WWOX: variants seen among roughly 807,000 people sequenced by gnomAD.
The protein encoded by WWOX is WW domain-containing oxidoreductase.
Under a neutral mutation model 46.2 loss-of-function variants are expected in WWOX, and 69 were observed. The ratio of observed to expected loss-of-function variants is 1.49; its 90% CI spans 1.23 to 1.82. The LOEUF (loss-of-function observed/expected upper bound fraction) is 1.82, where lower values mean the gene tolerates loss of function less well. WWOX is among the 40% of genes most tolerant of loss of function. WWOX has a pLI of 0.00. For missense variants in WWOX, 919 were observed against 542.6 expected (o/e 1.69, Z -6.89); for synonymous variants, 359 against 202.6 (o/e 1.77, Z -6.56).
chr16:78,405,888 G>C (rs528238865), intron 6 of WWOX, among the ~76,000 whole-genome samples: 123 of 152,200 alleles, frequency 8.1e-4, no homozygotes, highest in African/African-American at 2.9e-3. Context: ...GTGACGAAGT[G>C]AGTTTTCCCT....
rs533216805 is a variant in WWOX at position 79,011,459 on chromosome 16, T to TTTTTTTTA, written c.1057-200146_1057-200145insTTTTATTT. Among the ~76,000 whole-genome samples the TTTTTTTTA allele has an allele frequency of 5.6e-3, 740 of 131,994 alleles. 3 individuals carry two copies. The highest frequency in any genetic ancestry group is 0.011 in the Middle Eastern group (3 of 274). 86.6% of individuals were successfully genotyped at this position (131,994 alleles called of 152,430 possible). On this transcript the variant is annotated intron_variant, in intron 8 of 8. Transcript: ENST00000566780. ...ATAGTCTTCCTTTTTTTATTTTTTATTTTATTTATTTATTTATTTATTTAT... is the reference window on the plus strand; with the variant it reads ...ATAGTCTTCCTTTTTTTATTTTTTATTTTTTTTATTTATTTATTTATTTATTTATTTAT...
chr16:78,546,501 G>T (rs563287090), intron 8 of WWOX, among the ~76,000 whole-genome samples: 1 of 152,172 alleles, frequency 6.6e-6, no homozygotes, highest in Non-Finnish European at 1.5e-5. Flanking sequence ...TTGTGGGATT[G>T]CAATTACCTT....
At chr16:78,300,118 A>G (rs1232711740) in intron 5 of WWOX, among the ~76,000 whole-genome samples, 1 of 152,204 alleles carries the variant, frequency 6.6e-6, no homozygotes, top group African/African-American at 2.4e-5. Context: ...ATTTTTTTCC[A>G]ACAGAATCAT....
chr16:79,144,761 C>T (rs2050153582), intron 8 of WWOX, among the ~76,000 whole-genome samples: 1 of 152,124 alleles, frequency 6.6e-6, no homozygotes, highest in Non-Finnish European at 1.5e-5. Flanking sequence ...TTCAGTTATA[C>T]ATTGTCAACT....
At chr16:78,414,645 T>C (rs79673675) in intron 6 of WWOX, among the ~76,000 whole-genome samples, 8,660 of 152,326 alleles carry the variant, frequency 0.057, 788 homozygotes, top group African/African-American at 0.2. Context: ...AGTGATGTTA[T>C]CTGCATGAAT....
At chr16:78,399,697 T>C (rs2082367776) in intron 6 of WWOX, among the ~76,000 whole-genome samples, 1 of 152,244 alleles carries the variant, frequency 6.6e-6, no homozygotes, top group Non-Finnish European at 1.5e-5. Flanking sequence ...TTCTGTGGTT[T>C]ACAATTATAT....
chr16:78,477,361 C>T (rs2084375809), intron 8 of WWOX, among the ~76,000 whole-genome samples: 1 of 151,982 alleles, frequency 6.6e-6, no homozygotes, highest in Non-Finnish European at 1.5e-5. Flanking sequence ...TTTCCAGAGC[C>T]TGTGGTTCTA....
At chr16:78,731,874 G>T (rs370358258) in intron 8 of WWOX, among the ~76,000 whole-genome samples, 1 of 142,394 alleles carries the variant, frequency 7.0e-6, no homozygotes, top group South Asian at 2.2e-4. Flanking sequence ...GAGAGACAGG[G>T]TCTTGCTTTA....
At chr16:78,402,088 A>G (rs1287788309) in intron 6 of WWOX, among the ~76,000 whole-genome samples, 1 of 152,166 alleles carries the variant, frequency 6.6e-6, no homozygotes, top group Admixed American at 6.6e-5. Context: ...TTGCAGAACA[A>G]TTTCATCACT....
chr16:78,706,058 G>GTTTTT (rs3051058), intron 8 of WWOX, among the ~76,000 whole-genome samples: 2,331 of 106,376 alleles, frequency 0.022, 79 homozygotes, highest in South Asian at 0.044. Context: ...GTTATGGCAG[G>GTTTTT]TTTTTTTTTT....
chr16:78,808,757 C>A (rs757372906), intron 8 of WWOX, among the ~76,000 whole-genome samples: 1 of 152,088 alleles, frequency 6.6e-6, no homozygotes, highest in Admixed American at 6.6e-5. Flanking sequence ...AATTGAGATG[C>A]GTAGGTTCTA....
intron 8 of WWOX, among the ~76,000 whole-genome samples, chr16:78,493,558 T>A (rs569098806): frequency 6.6e-6 from 1 of 152,344 alleles, no homozygotes; most frequent in South Asian, 2.1e-4. Context: ...CTTTGGGGTG[T>A]TTAAGGAGAA....
chr16:78,941,778 CATA>C (rs1567664456), intron 8 of WWOX, among the ~76,000 whole-genome samples: 1 of 152,144 alleles, frequency 6.6e-6, no homozygotes, highest in East Asian at 1.9e-4. Flanking sequence ...AAAAAGGTAT[CATA>C]ATCAAATAAA....
intron 1 of WWOX, 97 bp downstream of exon 1, chr16:78,099,982 G>A: frequency 6.6e-7 from 1 of 1,518,618 alleles, no homozygotes; most frequent in South Asian, 1.3e-5. Flanking sequence ...AGCGCAGCGC[G>A]TGCGGTGCAA....
intron 8 of WWOX, among the ~76,000 whole-genome samples, chr16:78,576,306 T>G (rs1177848588): frequency 2.0e-5 from 3 of 152,216 alleles, no homozygotes; most frequent in Non-Finnish European, 2.9e-5. Flanking sequence ...TCACAAAATG[T>G]CCAGCTTTCT....
At position 78,865,976 on chromosome 16, in the gene WWOX, G is replaced by A. The variant is rs151204078; in HGVS notation, c.1057-345632G>A. ...TTAACAATAATGGTTTTTAAAAACC[G>A]TAGGTGATCACATACTACGCAGAAA... On this transcript the variant is annotated intron_variant, in intron 8 of 8. Transcript: ENST00000566780. Among the ~76,000 whole-genome samples, 84 of 152,278 alleles carry A rather than the reference G, an allele frequency of 5.5e-4. 1 individual carries two copies. Among genetic ancestry groups the A allele is most frequent in the African/African-American group, 1.8e-3 (74 of 41,566 alleles).
rs139175528 is a variant in WWOX at position 78,978,052 on chromosome 16, C to T, written c.1057-233556C>T. On this transcript the variant is annotated intron_variant, in intron 8 of 8. Transcript: ENST00000566780. ...TAAGCAGCTACTACCCATTCCTCTT[C>T]CCTACCATTCTACCTTCTGTCTCAG... 1.1e-3 allele frequency among the ~76,000 whole-genome samples: 164 copies of T among 152,362 alleles called. 1 individual carries two copies. The highest frequency in any genetic ancestry group is 2.0e-3 in the Non-Finnish European group (135 of 68,046).
intron 6 of WWOX, among the ~76,000 whole-genome samples, chr16:78,394,226 C>T (rs2082239044): frequency 1.3e-5 from 2 of 152,046 alleles, no homozygotes; most frequent in Admixed American, 1.3e-4. Flanking sequence ...TTTTGGTTTG[C>T]CTAACAGAAG....
rs746256280 is a variant in WWOX at position 78,236,707 on chromosome 16, G to A, written c.516+72418G>A. On this transcript the variant is annotated intron_variant, in intron 5 of 8. Transcript: ENST00000566780. ...TGACTAGAGTTTCATAGTTAAACAT[G>A]TGCTGAAATCCACAGTGGACACCAG... Among the ~76,000 whole-genome samples the A allele has an allele frequency of 2.6e-5, 4 of 152,128 alleles. No individual in the cohort carries two copies. In the South Asian group the frequency reaches 8.3e-4, roughly 32 times the overall value.
Sources: gnomAD v4.1 joint callset for allele counts (sites outside exome capture counted in the v4.1 genomes callset) on GRCh38, gnomAD v4.1.1 for gene constraint, MANE v1.5 for transcripts, NCBI Gene and HGNC (gene_info 2026-07-23, HGNC 2026-07-21) for gene names.